The following GALNTL6 variants were observed in gnomAD, a reference collection of about 807,000 sequenced individuals.
GALNTL6 encodes polypeptide N-acetylgalactosaminyltransferase like 6.
In GALNTL6, 46 loss-of-function variants were observed where a neutral mutation model predicts 73.7. The ratio of observed to expected loss-of-function variants is 0.62; its 90% confidence interval spans 0.49 to 0.80. GALNTL6 has a LOEUF of 0.80. Among genes scored for constraint, GALNTL6 ranks in the 30% least tolerant of loss-of-function variants. The probability of loss-of-function intolerance (pLI) is 0.00; values close to 1 mark genes in which losing one functional copy is unlikely to be tolerated. For synonymous variants in GALNTL6, 259 were observed against 263.7 expected, an observed-to-expected ratio of 0.98 and a Z score of 0.17; for missense variants, 604 against 755.0, an observed-to-expected ratio of 0.80 and a Z score of 2.34.
intron 5 of GALNTL6, among the ~76,000 whole-genome samples, chr4:172,731,693 C>T (rs890142961): frequency 6.6e-6 from 1 of 151,898 alleles, no homozygotes; most frequent in Non-Finnish European, 1.5e-5. Flanking sequence ...TGCTATAAAC[C>T]TTCCTCTTAG....
In GALNTL6 at chr4:172,940,731, T is replaced by C. The variant is rs1748877356; in HGVS notation, c.1149+9463T>C. Among the ~76,000 whole-genome samples, 2 of 152,060 alleles carry C rather than the reference T, an allele frequency of 1.3e-5. 1 individual carries two copies. The highest frequency in any genetic ancestry group is 1.3e-4 in the Admixed American group (2 of 15,278). On this transcript the variant is annotated intron_variant, in intron 9 of 12. Transcript: ENST00000506823. ...CTCTATTGCCCAGGCTGAAGTGCTG[T>C]GGTGCAATCTGTGCTCACTGCAACC...
intron 3 of GALNTL6, among the ~76,000 whole-genome samples, chr4:172,236,126 C>A (rs1309889644): frequency 6.6e-6 from 1 of 152,222 alleles, no homozygotes; most frequent in African/African-American, 2.4e-5. Flanking sequence ...AACTACATTG[C>A]ACTGCTGTGT....
At chr4:172,766,742 A>G (rs1300328902) in intron 5 of GALNTL6, among the ~76,000 whole-genome samples, 2 of 152,236 alleles carry the variant, frequency 1.3e-5, no homozygotes, top group East Asian at 3.8e-4. Context: ...TTTTTCTGTC[A>G]AGGAAAGGAT....
chr4:172,625,805 G>A (rs1011298979), intron 5 of GALNTL6, among the ~76,000 whole-genome samples: 1 of 151,882 alleles, frequency 6.6e-6, no homozygotes, highest in Non-Finnish European at 1.5e-5. Context: ...TATGTTTGTT[G>A]GTTGCTTGTA....
At chr4:172,337,470 G>A (rs1309250020) in intron 4 of GALNTL6, among the ~76,000 whole-genome samples, 1 of 152,072 alleles carries the variant, frequency 6.6e-6, no homozygotes, top group African/African-American at 2.4e-5. Context: ...TATAAGGTTG[G>A]TCTATTGGCA....
intron 5 of GALNTL6, among the ~76,000 whole-genome samples, chr4:172,704,290 T>G (rs1734198540): frequency 6.6e-6 from 1 of 151,962 alleles, no homozygotes; most frequent in Admixed American, 6.6e-5. Context: ...AGATTGTTTA[T>G]TTGACCTCTT....
At chr4:172,965,567 G>A (rs189312267) in intron 10 of GALNTL6, among the ~76,000 whole-genome samples, 80 of 151,706 alleles carry the variant, frequency 5.3e-4, no homozygotes, top group African/African-American at 1.8e-3. Flanking sequence ...GGGTGACAGA[G>A]TGAGACTCTG....
intron 5 of GALNTL6, among the ~76,000 whole-genome samples, chr4:172,749,553 T>C (rs1001237687): frequency 4.6e-5 from 7 of 152,184 alleles, no homozygotes; most frequent in Admixed American, 2.0e-4. Flanking sequence ...ACACTGTTTT[T>C]AAAATTACTA....
chr4:172,240,601 T>A (rs951323117), intron 3 of GALNTL6, among the ~76,000 whole-genome samples: 2 of 152,210 alleles, frequency 1.3e-5, no homozygotes, highest in Non-Finnish European at 2.9e-5. Context: ...GGACCAGTCT[T>A]ACAGCTCTGA....
At chr4:171,842,266 G>A (rs944642969) in intron 2 of GALNTL6, among the ~76,000 whole-genome samples, 4 of 152,026 alleles carry the variant, frequency 2.6e-5, no homozygotes, top group African/African-American at 9.7e-5. Context: ...TTAAGGGTTG[G>A]CCTGTCCTTA....
At chr4:172,204,032 C>T (rs1736032363) in intron 2 of GALNTL6, among the ~76,000 whole-genome samples, 1 of 152,138 alleles carries the variant, frequency 6.6e-6, no homozygotes, top group South Asian at 2.1e-4. Context: ...AGGCATGAGC[C>T]ACTGCACCCG....
intron 2 of GALNTL6, among the ~76,000 whole-genome samples, chr4:171,999,400 G>A (rs115364674): frequency 1.1e-3 from 169 of 152,200 alleles, no homozygotes; most frequent in African/African-American, 3.8e-3. Flanking sequence ...TGCTATTTCC[G>A]GGGAGGTTGA....
chr4:172,756,332 G>C (rs937143627), intron 5 of GALNTL6, among the ~76,000 whole-genome samples: 3 of 152,168 alleles, frequency 2.0e-5, no homozygotes, highest in Non-Finnish European at 4.4e-5. Context: ...CTGGTGATTT[G>C]TCCATTGCAA....
intron 2 of GALNTL6, among the ~76,000 whole-genome samples, chr4:172,120,915 T>C (rs761836531): frequency 4.6e-5 from 7 of 151,882 alleles, no homozygotes; most frequent in Admixed American, 6.6e-5. Context: ...AAACTGAAAA[T>C]GGGCTAATGA....
intron 10 of GALNTL6, among the ~76,000 whole-genome samples, chr4:172,967,643 CAGAG>C (rs59118934): frequency 6.6e-5 from 10 of 151,072 alleles, no homozygotes; most frequent in Non-Finnish European, 8.9e-5. Context: ...TATTTTGGAA[CAGAG>C]AGAGAGAGAG....
intron 5 of GALNTL6, among the ~76,000 whole-genome samples, chr4:172,452,793 C>T (rs371051770): frequency 9.2e-5 from 14 of 152,118 alleles, no homozygotes; most frequent in Non-Finnish European, 1.3e-4. Flanking sequence ...ACCTTATATA[C>T]GTAAATTCAT....
intron 7 of GALNTL6, among the ~76,000 whole-genome samples, chr4:172,838,369 A>G: frequency 6.6e-6 from 1 of 152,246 alleles, no homozygotes; most frequent in Non-Finnish European, 1.5e-5. Flanking sequence ...CGGAGTCCAG[A>G]CACGCAGTGT....
intron 3 of GALNTL6, among the ~76,000 whole-genome samples, chr4:172,255,458 CT>C (rs779297619): frequency 6.6e-6 from 1 of 151,532 alleles, no homozygotes; most frequent in Non-Finnish European, 1.5e-5. Flanking sequence ...ATCAGTGCCC[CT>C]GACTTGCAAA....
chr4:171,914,284 C>T (rs76667390), intron 2 of GALNTL6, among the ~76,000 whole-genome samples: 5,073 of 152,044 alleles, frequency 0.033, 249 homozygotes, highest in East Asian at 0.14. Context: ...AGAAAGAGAC[C>T]TATATTCCAC....
Sources: gnomAD v4.1 joint callset for allele counts (sites outside exome capture counted in the v4.1 genomes callset) on GRCh38, gnomAD v4.1.1 for gene constraint, MANE v1.5 for transcripts, NCBI Gene and HGNC (gene_info 2026-07-23, HGNC 2026-07-21) for gene names.